The following CSMD3 variants were observed in gnomAD, a reference collection of about 807,000 sequenced individuals.
The protein encoded by CSMD3 is CUB and sushi domain-containing protein 3.
In CSMD3, 177 loss-of-function variants were observed where a neutral mutation model predicts 435.2. The ratio of observed to expected loss-of-function variants is 0.41; its 90% confidence interval spans 0.36 to 0.46. The LOEUF (loss-of-function observed/expected upper bound fraction) is 0.46. CSMD3 is among the 20% of genes least tolerant of loss of function. The probability of loss-of-function intolerance (pLI) is 0.34; values close to 1 mark genes in which losing one functional copy is unlikely to be tolerated. For synonymous variants in CSMD3, 1,656 were observed against 1,520.5 expected, an observed-to-expected ratio of 1.09 and a Z score of -2.07; for missense variants, 4,265 against 4,504.6, an observed-to-expected ratio of 0.95 and a Z score of 1.52.
intron 13 of CSMD3, among the ~76,000 whole-genome samples, chr8:112,702,776 C>T (rs1280280751): frequency 3.9e-5 from 6 of 151,972 alleles, no homozygotes; most frequent in East Asian, 3.9e-4. Context: ...TTTGCCTGAT[C>T]GCTATGTGAT....
intron 32 of CSMD3, among the ~76,000 whole-genome samples, chr8:112,412,226 C>G (rs1009135742): frequency 6.6e-6 from 1 of 151,926 alleles, no homozygotes; most frequent in African/African-American, 2.4e-5. Context: ...TAATTATGCT[C>G]TTTTTAAAAA....
chr8:112,459,435 G>A (rs1415327687), intron 32 of CSMD3, among the ~76,000 whole-genome samples: 1 of 151,884 alleles, frequency 6.6e-6, no homozygotes, highest in Non-Finnish European at 1.5e-5. Flanking sequence ...GGGTACAGAA[G>A]AGTCAAAAGT....
At chr8:113,341,149 G>A (rs776106112) in intron 1 of CSMD3, among the ~76,000 whole-genome samples, 1 of 152,000 alleles carries the variant, frequency 6.6e-6, no homozygotes, top group Non-Finnish European at 1.5e-5. Flanking sequence ...ATATATGTAA[G>A]TGCATGTATT....
At chr8:113,083,220 AAG>A (rs895615035) in intron 5 of CSMD3, among the ~76,000 whole-genome samples, 7 of 152,040 alleles carry the variant, frequency 4.6e-5, no homozygotes, top group African/African-American at 1.7e-4. Context: ...ATCAAAGACA[AAG>A]AGAGAATTCT....
chr8:112,703,268 C>T (rs1254019570), intron 13 of CSMD3, among the ~76,000 whole-genome samples: 1 of 151,930 alleles, frequency 6.6e-6, no homozygotes, highest in Non-Finnish European at 1.5e-5. Context: ...TTTTTTCTTC[C>T]CTGCTGTGCA....
intron 4 of CSMD3, among the ~76,000 whole-genome samples, chr8:113,150,296 T>A (rs1198864746): frequency 6.6e-6 from 1 of 151,932 alleles, no homozygotes; most frequent in Non-Finnish European, 1.5e-5. Context: ...AGGAAAAAGA[T>A]TATCCTTGGT....
At chr8:112,354,676 A>G (rs1826426228) in intron 38 of CSMD3, among the ~76,000 whole-genome samples, 2 of 152,336 alleles carry the variant, frequency 1.3e-5, no homozygotes, top group African/African-American at 4.8e-5. Context: ...AGAACTACAA[A>G]ACACTTCTGA....
chr8:112,396,008 T>G (rs895900379), intron 35 of CSMD3, among the ~76,000 whole-genome samples: 1 of 152,220 alleles, frequency 6.6e-6, no homozygotes, highest in African/African-American at 2.4e-5. Context: ...GTGAATCTTC[T>G]AATTTAGTAT....
At chr8:112,829,378 G>C (rs985367999) in intron 12 of CSMD3, among the ~76,000 whole-genome samples, 1 of 152,144 alleles carries the variant, frequency 6.6e-6, no homozygotes, top group Non-Finnish European at 1.5e-5. Context: ...CTCACCAGAC[G>C]TCAAATCTGC....
intron 68 of CSMD3, among the ~76,000 whole-genome samples, chr8:112,232,824 T>C (rs1227570909): frequency 6.6e-6 from 1 of 152,144 alleles, no homozygotes; most frequent in African/African-American, 2.4e-5. Flanking sequence ...TCTGAGAGTT[T>C]TGGACTTCTG....
chr8:113,212,102 C>T (rs1211404811), intron 3 of CSMD3, among the ~76,000 whole-genome samples: 1 of 151,810 alleles, frequency 6.6e-6, no homozygotes, highest in Non-Finnish European at 1.5e-5. Flanking sequence ...CAAAAGAGAC[C>T]CAATATTTAA....
Position 112,289,408 on chromosome 8 carries a change from G to C in CSMD3, c.9105C>G (p.Cys3035Trp), listed in dbSNP as rs2130655225. 6.2e-7 allele frequency: 1 copy of C among 1,613,324 alleles called. No individual in the cohort carries two copies. The highest frequency in any genetic ancestry group is 2.2e-5 in the East Asian group (1 of 44,846). ...ATCCACTCCAATGGCCATTCAATTG[G>C]CAGGTTCTTGATGACTGGCCTAAAA... ...RSLLGQSSRT[C>W]QLNGHWSGSQ... is the part of the protein sequence containing the mutation. Residue 3035 changes from cysteine (C) to tryptophan (W), a missense_variant, in exon 57 of 71, where the codon TGC (cysteine) becomes TGG (tryptophan). Physicochemically the swap from Cys to Trp is radical, Grantham distance 215. Transcript: ENST00000297405.
chr8:112,406,667 C>T lies in CSMD3; in HGVS notation c.5666G>A (p.Arg1889Lys), dbSNP rs1353279018. The T allele has an allele frequency of 6.2e-7, 1 of 1,612,300 alleles. No homozygotes were observed. Among genetic ancestry groups the T allele is most frequent in the East Asian group, 2.2e-5 (1 of 44,756 alleles). ...SSVPEPRFGR[R>K]IGNEFAVGSS... is the part of the protein sequence containing the mutation. ...ACCGACTGCAAATTCATTGCCAATT[C>T]TTCTTCCGAATCTTGGTTCAGGCAC... Residue 1889 changes from arginine (R) to lysine (K), a missense_variant, in exon 35 of 71, where the codon AGA (arginine) becomes AAA (lysine). Transcript: ENST00000297405.
At chr8:113,243,802 C>G (rs910722111) in intron 3 of CSMD3, among the ~76,000 whole-genome samples, 4 of 152,160 alleles carry the variant, frequency 2.6e-5, no homozygotes, top group African/African-American at 7.2e-5. Context: ...ATTTAACCAA[C>G]TACTGGGTGT....
chr8:112,384,884 A>G (rs1829797533), intron 36 of CSMD3, among the ~76,000 whole-genome samples: 1 of 152,246 alleles, frequency 6.6e-6, no homozygotes, highest in South Asian at 2.1e-4. Context: ...CCTTCAATTC[A>G]GAGGAAGAAA....
chr8:112,270,940 A>G (rs1817479274), intron 59 of CSMD3, among the ~76,000 whole-genome samples: 1 of 152,122 alleles, frequency 6.6e-6, no homozygotes, highest in Non-Finnish European at 1.5e-5. Flanking sequence ...ACTATATTTT[A>G]AGGGTATTAT....
chr8:113,068,595 C>T (rs2088964633), intron 5 of CSMD3, among the ~76,000 whole-genome samples: 1 of 152,084 alleles, frequency 6.6e-6, no homozygotes, highest in Non-Finnish European at 1.5e-5. Context: ...CAACCTTCTC[C>T]ACAACAGCAA....
At chr8:112,552,280 T>G (rs895383747) in intron 26 of CSMD3, among the ~76,000 whole-genome samples, 1 of 151,828 alleles carries the variant, frequency 6.6e-6, no homozygotes, top group African/African-American at 2.4e-5. Context: ...GAGCCCAACA[T>G]TTTGAGACCA....
intron 10 of CSMD3, among the ~76,000 whole-genome samples, chr8:112,914,746 A>G (rs2082525768): frequency 6.6e-6 from 1 of 151,058 alleles, no homozygotes; most frequent in African/African-American, 2.4e-5. Context: ...TGTTTCTTTC[A>G]CTTTGCGTGG....
Sources: allele counts gnomAD v4.1 joint callset (sites outside exome capture counted in the v4.1 genomes callset), GRCh38; gene constraint gnomAD v4.1.1; transcripts MANE v1.5; gene names NCBI Gene and HGNC (gene_info 2026-07-23, HGNC 2026-07-21).